The following LDB2 variants were observed in gnomAD, a reference collection of about 807,000 sequenced individuals.
LDB2 encodes LIM domain-binding protein 2.
LDB2 carries 12 observed loss-of-function variants against 44.3 expected under a neutral mutation model. The observed-to-expected ratio is 0.27, with a 90% confidence interval of 0.17 to 0.44. The LOEUF (loss-of-function observed/expected upper bound fraction) is 0.44. LDB2 is among the 20% of genes least tolerant of loss of function. The pLI is 1.00. For synonymous variants in LDB2, 164 were observed against 174.8 expected, an observed-to-expected ratio of 0.94 and a Z score of 0.49; for missense variants, 344 against 473.5, an observed-to-expected ratio of 0.73 and a Z score of 2.54.
chr4:16,645,543 CAAAA>C (rs34869059), intron 2 of LDB2, among the ~76,000 whole-genome samples: 2 of 85,500 alleles, frequency 2.3e-5, no homozygotes, highest in Non-Finnish European at 2.2e-5. Flanking sequence ...GACTCCGTCT[CAAAA>C]AAAAAAAAAA....
chr4:16,588,697 T>C lies in LDB2; in HGVS notation c.531+13A>G. The stretch of plus-strand genomic sequence containing the variant: ...AAAAGAAAAGAAAGCAAAACAGAAA[T>C]TAAATTACTTACATGCATGGCTAGG... On this transcript the variant is annotated intron_variant, in intron 4 of 7. Transcript: ENST00000304523. The C allele has an allele frequency of 6.2e-7, 1 of 1,608,290 alleles. No homozygotes were observed. The highest frequency in any genetic ancestry group is 8.5e-7 in the Non-Finnish European group (1 of 1,177,990).
intron 2 of LDB2, among the ~76,000 whole-genome samples, chr4:16,620,416 A>G (rs532806963): frequency 1.3e-5 from 2 of 152,346 alleles, no homozygotes; most frequent in African/African-American, 4.8e-5. Context: ...GAAACCAACA[A>G]CAAGCTAAGA....
At chr4:16,770,054 A>AT (rs1461299426) in intron 1 of LDB2, among the ~76,000 whole-genome samples, 5 of 152,350 alleles carry the variant, frequency 3.3e-5, no homozygotes, top group Admixed American at 1.3e-4. Flanking sequence ...CCAAACAGAA[A>AT]TGTTAGTTAG....
At chr4:16,746,980 C>A (rs904796100) in intron 2 of LDB2, among the ~76,000 whole-genome samples, 1 of 152,158 alleles carries the variant, frequency 6.6e-6, no homozygotes, top group Non-Finnish European at 1.5e-5. Context: ...CACCAGCTGT[C>A]GGAAGCTGCA....
intron 1 of LDB2, among the ~76,000 whole-genome samples, chr4:16,846,299 C>T (rs192006582): frequency 3.9e-5 from 6 of 152,230 alleles, no homozygotes; most frequent in Admixed American, 2.0e-4. Flanking sequence ...AACATGTAAA[C>T]CTATCAAGAT....
At chr4:16,653,490 T>C (rs1402615919) in intron 2 of LDB2, among the ~76,000 whole-genome samples, 1 of 152,188 alleles carries the variant, frequency 6.6e-6, no homozygotes, top group Non-Finnish European at 1.5e-5. Flanking sequence ...GGTGTTAATA[T>C]TGCCAAAGAA....
chr4:16,889,809 G>A (rs1722837000), intron 1 of LDB2, among the ~76,000 whole-genome samples: 2 of 152,132 alleles, frequency 1.3e-5, no homozygotes, highest in African/African-American at 2.4e-5. Flanking sequence ...AGAAAATACA[G>A]GCTTCCAATA....
At chr4:16,860,722 A>C (rs945656184) in intron 1 of LDB2, among the ~76,000 whole-genome samples, 4 of 152,234 alleles carry the variant, frequency 2.6e-5, no homozygotes, top group Non-Finnish European at 4.4e-5. Flanking sequence ...TCATGACCAG[A>C]CTATTCAATG....
At chr4:16,879,182 A>G (rs1719314827) in intron 1 of LDB2, among the ~76,000 whole-genome samples, 1 of 152,212 alleles carries the variant, frequency 6.6e-6, no homozygotes, top group Admixed American at 6.5e-5. Context: ...TGAAGAACAT[A>G]TAATATTCCC....
At chr4:16,527,957 G>A (rs1031693943) in intron 5 of LDB2, among the ~76,000 whole-genome samples, 1 of 150,184 alleles carries the variant, frequency 6.7e-6, no homozygotes, top group Admixed American at 6.6e-5. Context: ...AAGCTGGGAG[G>A]AAAAGTGAAA....
chr4:16,715,370 T>C (rs929005215), intron 2 of LDB2, among the ~76,000 whole-genome samples: 23 of 152,216 alleles, frequency 1.5e-4, no homozygotes, highest in Non-Finnish European at 2.6e-4. Context: ...ACACAGCTTT[T>C]TGAATGAATA....
intron 1 of LDB2, among the ~76,000 whole-genome samples, chr4:16,799,550 G>A (rs1347388164): frequency 6.6e-6 from 1 of 152,160 alleles, no homozygotes; most frequent in Non-Finnish European, 1.5e-5. Flanking sequence ...AGGAACTTAG[G>A]TTCCTGCCAA....
chr4:16,521,041 T>C (rs990144154), intron 5 of LDB2, among the ~76,000 whole-genome samples: 1 of 152,146 alleles, frequency 6.6e-6, no homozygotes, highest in Non-Finnish European at 1.5e-5. Context: ...CCCTGCACAT[T>C]ATTTCCCAGC....
intron 1 of LDB2, among the ~76,000 whole-genome samples, chr4:16,892,871 A>G (rs1723817810): frequency 2.6e-5 from 4 of 152,186 alleles, no homozygotes; most frequent in African/African-American, 9.6e-5. Context: ...AAAAAGAGAG[A>G]AATTTAAATG....
intron 2 of LDB2, among the ~76,000 whole-genome samples, chr4:16,731,722 C>T (rs937333976): frequency 2.0e-5 from 3 of 152,126 alleles, no homozygotes; most frequent in African/African-American, 7.2e-5. Context: ...CTGTCTAAGA[C>T]ACTTGTAATT....
Position 16,683,403 on chromosome 4 carries a change from T to C in LDB2, c.235+75755A>G, listed in dbSNP as rs187581588. Among the ~76,000 whole-genome samples, 490 of 152,328 alleles carry C rather than the reference T, an allele frequency of 3.2e-3. 6 individuals are homozygous for C. The highest frequency in any genetic ancestry group is 0.011 in the African/African-American group (469 of 41,576). On this transcript the variant is annotated intron_variant, in intron 2 of 7. Transcript: ENST00000304523. ...TGGAGCTTCAGGAGAATCAAAACACTTGCAACCTAGAGCTAGTGCTACCAT... is the reference window on the plus strand; with the variant it reads ...TGGAGCTTCAGGAGAATCAAAACACCTGCAACCTAGAGCTAGTGCTACCAT...
At chr4:16,599,691 T>A (rs762777215) in intron 2 of LDB2, among the ~76,000 whole-genome samples, 2 of 152,074 alleles carry the variant, frequency 1.3e-5, no homozygotes, top group Non-Finnish European at 2.9e-5. Context: ...AATATATAAA[T>A]AATGCGCAGT....
At chr4:16,635,467 A>G (rs1368207607) in intron 2 of LDB2, among the ~76,000 whole-genome samples, 1 of 110,362 alleles carries the variant, frequency 9.1e-6, no homozygotes, top group African/African-American at 3.5e-5. Context: ...TCATCAGTTA[A>G]AAGAGTTTAA....
chr4:16,709,077 A>G (rs1755287702), intron 2 of LDB2, among the ~76,000 whole-genome samples: 1 of 134,144 alleles, frequency 7.5e-6, no homozygotes, highest in Non-Finnish European at 1.6e-5. Flanking sequence ...AAGTCTCTCT[A>G]TGCTAGAGAA....
Sources: allele counts gnomAD v4.1 joint callset (sites outside exome capture counted in the v4.1 genomes callset), GRCh38; gene constraint gnomAD v4.1.1; transcripts MANE v1.5; gene names NCBI Gene and HGNC (gene_info 2026-07-23, HGNC 2026-07-21).